Variants in GRM7 observed in about 807,000 individuals in gnomAD.
The protein encoded by GRM7 is glutamate metabotropic receptor 7, also known as metabotropic glutamate receptor 7.
In GRM7, 35 loss-of-function variants were observed where a neutral mutation model predicts 84.5. The observed-to-expected ratio is 0.41, with a 90% confidence interval of 0.32 to 0.55. The LOEUF (loss-of-function observed/expected upper bound fraction) is 0.55, where lower values mean the gene tolerates loss of function less well. Among genes scored for constraint, GRM7 ranks in the 20% least tolerant of loss-of-function variants. The pLI is 0.19. For synonymous variants in GRM7, 487 were observed against 455.1 expected, an observed-to-expected ratio of 1.07 and a Z score of -0.89; for missense variants, 1,003 against 1,194.6, an observed-to-expected ratio of 0.84 and a Z score of 2.36.
intron 7 of GRM7, among the ~76,000 whole-genome samples, chr3:7,546,080 T>C (rs1233290253): frequency 6.6e-6 from 1 of 152,194 alleles, no homozygotes; most frequent in East Asian, 1.9e-4. Context: ...CCCAAATTTA[T>C]TAAAACCATA....
intron 1 of GRM7, among the ~76,000 whole-genome samples, chr3:6,890,459 A>G (rs1259183471): frequency 2.6e-5 from 4 of 152,096 alleles, no homozygotes; most frequent in Non-Finnish European, 5.9e-5. Flanking sequence ...TTCAAAGATC[A>G]TCTTTATTTC....
At chr3:7,483,413 A>G (rs1432563823) in intron 7 of GRM7, among the ~76,000 whole-genome samples, 1 of 152,182 alleles carries the variant, frequency 6.6e-6, no homozygotes, top group Non-Finnish European at 1.5e-5. Context: ...ACTTGTTGGA[A>G]GGAACAGAAA....
intron 7 of GRM7, among the ~76,000 whole-genome samples, chr3:7,572,519 A>G (rs2125046950): frequency 6.6e-6 from 1 of 152,016 alleles, no homozygotes; most frequent in African/African-American, 2.4e-5. Context: ...ACTGCAGTTA[A>G]AAAAATTCTA....
At chr3:7,044,084 A>C (rs1462631478) in intron 1 of GRM7, among the ~76,000 whole-genome samples, 1 of 152,238 alleles carries the variant, frequency 6.6e-6, no homozygotes, top group Admixed American at 6.5e-5. Flanking sequence ...ACCTTATTTT[A>C]GAAATTACTT....
At chr3:7,619,729 TAAAG>T (rs1479853445) in intron 8 of GRM7, among the ~76,000 whole-genome samples, 1 of 152,090 alleles carries the variant, frequency 6.6e-6, no homozygotes, top group African/African-American at 2.4e-5. Context: ...AAGGCTGACT[TAAAG>T]AAACCAATGG....
At chr3:6,940,444 A>G (rs1697851604) in intron 1 of GRM7, among the ~76,000 whole-genome samples, 2 of 152,190 alleles carry the variant, frequency 1.3e-5, no homozygotes, top group South Asian at 2.1e-4. Flanking sequence ...AAGTTTTTCT[A>G]TCAGATCTTA....
intron 5 of GRM7, among the ~76,000 whole-genome samples, chr3:7,434,037 G>C (rs907759233): frequency 6.6e-6 from 1 of 151,924 alleles, no homozygotes; most frequent in Non-Finnish European, 1.5e-5. Context: ...TATAGATTGT[G>C]TATATATTTT....
rs574067265 is a variant in GRM7 at position 7,672,087 on chromosome 3, G to T, written c.2452-7962G>T. On this transcript the variant is annotated intron_variant, in intron 8 of 9. Coordinates refer to ENST00000357716, the MANE Select transcript of GRM7 (RefSeq NM_000844.4). ...CAAACTCCCTCCCCTGCCCCGGGGG[G>T]AGGGAAACAGTATTTTTTTTTTCCA... Among the ~76,000 whole-genome samples the T allele has an allele frequency of 2.6e-5, 4 of 151,946 alleles. No individual in the cohort carries two copies. In the East Asian group the frequency reaches 7.7e-4, roughly 29 times the overall value.
At chr3:7,640,179 T>C (rs984606893) in intron 8 of GRM7, among the ~76,000 whole-genome samples, 2 of 152,172 alleles carry the variant, frequency 1.3e-5, no homozygotes, top group Non-Finnish European at 2.9e-5. Context: ...GACCAACGCA[T>C]GTTGGGCAAA....
chr3:7,597,915 G>T (rs1296809278), intron 8 of GRM7, among the ~76,000 whole-genome samples: 2 of 152,122 alleles, frequency 1.3e-5, no homozygotes, highest in East Asian at 1.9e-4. Flanking sequence ...CAGATCTCTT[G>T]TTACATTTGA....
chr3:7,551,304 C>G (rs1198138155), intron 7 of GRM7, among the ~76,000 whole-genome samples: 2 of 152,144 alleles, frequency 1.3e-5, no homozygotes, highest in South Asian at 2.1e-4. Flanking sequence ...TTCCTAAACT[C>G]AGGGTTTTTC....
chr3:6,970,477 C>T (rs993212359), intron 1 of GRM7, among the ~76,000 whole-genome samples: 1 of 152,178 alleles, frequency 6.6e-6, no homozygotes, highest in Non-Finnish European at 1.5e-5. Context: ...TAGTTGTTGA[C>T]TTTTTAAACA....
intron 8 of GRM7, among the ~76,000 whole-genome samples, chr3:7,659,811 A>G (rs73810847): frequency 0.034 from 5,188 of 152,306 alleles, 300 homozygotes; most frequent in African/African-American, 0.12. Flanking sequence ...TTGTTTTCCT[A>G]TTCTAGTCTC....
chr3:7,662,522 T>G (rs1413266858), intron 8 of GRM7, among the ~76,000 whole-genome samples: 1 of 152,234 alleles, frequency 6.6e-6, no homozygotes, highest in Non-Finnish European at 1.5e-5. Context: ...GAGACATTTT[T>G]GGGACAAATG....
chr3:7,324,104 C>T (rs1700889526), intron 4 of GRM7, among the ~76,000 whole-genome samples: 1 of 152,116 alleles, frequency 6.6e-6, no homozygotes, highest in Non-Finnish European at 1.5e-5. Flanking sequence ...CCATGAACCA[C>T]CTGTGAAACA....
intron 1 of GRM7, among the ~76,000 whole-genome samples, chr3:7,029,301 C>CAAAAAAA (rs57622634): frequency 1.1e-4 from 6 of 55,206 alleles, no homozygotes; most frequent in African/African-American, 2.5e-4. Flanking sequence ...GACTCTGCCT[C>CAAAAAAA]AAAAAAAAAA....
chr3:7,045,790 T>C (rs1696785675), intron 1 of GRM7, among the ~76,000 whole-genome samples: 1 of 152,140 alleles, frequency 6.6e-6, no homozygotes, highest in African/African-American at 2.4e-5. Context: ...TCAGTGGACA[T>C]TTAGGTTGTT....
rs556017921 is a variant in GRM7 at position 7,670,562 on chromosome 3, T to G, written c.2452-9487T>G. ...AGGCCCAAGAAATGCTTAGGACATT[T>G]GCTTTTTAACTATTTATTTGACATC... On this transcript the variant is annotated intron_variant, in intron 8 of 9. Transcript: ENST00000357716. Among the ~76,000 whole-genome samples, 3 of 152,364 alleles carry G rather than the reference T, an allele frequency of 2.0e-5. 1 individual carries two copies. The South Asian group carries it at 6.2e-4, about 32-fold the overall frequency.
chr3:6,917,582 A>C (rs377404793), intron 1 of GRM7, among the ~76,000 whole-genome samples: 2 of 151,518 alleles, frequency 1.3e-5, no homozygotes, highest in African/African-American at 4.8e-5. Flanking sequence ...CTGGGAATGC[A>C]GAGGCACAAA....
Sources: gnomAD v4.1 joint callset for allele counts (sites outside exome capture counted in the v4.1 genomes callset) on GRCh38, gnomAD v4.1.1 for gene constraint, MANE v1.5 for transcripts, NCBI Gene and HGNC (gene_info 2026-07-23, HGNC 2026-07-21) for gene names.